The following ASIC2 variants were observed in gnomAD, a reference collection of about 807,000 sequenced individuals.
The protein encoded by ASIC2 is acid-sensing ion channel 2.
A neutral mutation model predicts 57.3 loss-of-function variants in ASIC2; 25 were observed. The ratio of observed to expected loss-of-function variants is 0.44; its 90% CI spans 0.32 to 0.61. ASIC2 has a LOEUF of 0.61. Among genes scored for constraint, ASIC2 ranks in the 20% least tolerant of loss-of-function variants. The probability of loss-of-function intolerance (pLI) is 0.06; values close to 1 mark genes in which losing one functional copy is unlikely to be tolerated. For missense variants in ASIC2, 641 were observed against 738.1 expected (o/e 0.87, Z 1.52); for synonymous variants, 319 against 307.5 (o/e 1.04, Z -0.39).
At chr17:33,872,417 C>T (rs1467603454) in intron 1 of ASIC2, among the ~76,000 whole-genome samples, 6 of 152,106 alleles carry the variant, frequency 3.9e-5, no homozygotes, top group Non-Finnish European at 7.4e-5. Flanking sequence ...TCATTCAACC[C>T]GTATGTGGTT....
intron 1 of ASIC2, among the ~76,000 whole-genome samples, chr17:34,025,114 C>T (rs1222479784): frequency 6.6e-6 from 1 of 152,156 alleles, no homozygotes; most frequent in Non-Finnish European, 1.5e-5. Flanking sequence ...ATCACCTTGG[C>T]AGAGGCTGAG....
intron 1 of ASIC2, among the ~76,000 whole-genome samples, chr17:34,099,708 AAG>A (rs1260452567): frequency 7.0e-6 from 1 of 143,180 alleles, no homozygotes; most frequent in Non-Finnish European, 1.5e-5. Context: ...GAAAGGAAAA[AAG>A]AAAGAAAGAA....
At chr17:33,091,206 G>C (rs2092156259) in intron 2 of ASIC2, among the ~76,000 whole-genome samples, 1 of 152,234 alleles carries the variant, frequency 6.6e-6, no homozygotes, top group Non-Finnish European at 1.5e-5. Context: ...GGGAGGACTG[G>C]ATGGAATGAG....
chr17:33,042,196 G>A (rs927722271), intron 3 of ASIC2, among the ~76,000 whole-genome samples: 10 of 152,126 alleles, frequency 6.6e-5, no homozygotes, highest in African/African-American at 2.4e-4. Flanking sequence ...AGGCATCAAA[G>A]GGGTCTCAGG....
chr17:34,106,269 G>C (rs183966066), intron 1 of ASIC2, among the ~76,000 whole-genome samples: 1 of 152,202 alleles, frequency 6.6e-6, no homozygotes. Flanking sequence ...TCAAGGTGTT[G>C]CCAATTTTTT....
chr17:33,470,845 G>GTGCTCAGCAAAGATACGGTTTGGTC (rs1597740454), intron 1 of ASIC2, among the ~76,000 whole-genome samples: 4 of 150,560 alleles, frequency 2.7e-5, no homozygotes, highest in Admixed American at 6.6e-5. Context: ...GCTTCCACCT[G>GTGCTCAGCAAAGATACGGTTTGGTC]ACTCTACTTC....
intron 1 of ASIC2, among the ~76,000 whole-genome samples, chr17:33,863,691 T>C (rs1289223533): frequency 6.6e-6 from 1 of 152,204 alleles, no homozygotes; most frequent in Non-Finnish European, 1.5e-5. Flanking sequence ...CTCAGTTCTC[T>C]GTCAGTCCAT....
chr17:33,555,633 A>G (rs1007236893), intron 1 of ASIC2, among the ~76,000 whole-genome samples: 5 of 152,154 alleles, frequency 3.3e-5, no homozygotes, highest in African/African-American at 1.2e-4. Flanking sequence ...GGTCCAAATG[A>G]CACTGTCATA....
chr17:33,657,510 C>T (rs1322589022), intron 1 of ASIC2, among the ~76,000 whole-genome samples: 1 of 152,050 alleles, frequency 6.6e-6, no homozygotes, highest in Non-Finnish European at 1.5e-5. Context: ...TATTGGGGGT[C>T]CTGAGCCAGC....
In ASIC2 at chr17:33,317,189, C is replaced by T. The variant is rs886652479; in HGVS notation, c.556-205122G>A. On this transcript the variant is annotated intron_variant, in intron 1 of 9. Coordinates refer to the ASIC2 transcript ENST00000359872. Reference sequence around the variant, plus strand: ...CTGTTTGGAGTTTCTTCTGCCTTTGCCCCTACATCTGGTGCCTGAGGCCTG... The same window carrying T: ...CTGTTTGGAGTTTCTTCTGCCTTTGTCCCTACATCTGGTGCCTGAGGCCTG... 3.3e-5 allele frequency among the ~76,000 whole-genome samples: 5 copies of T among 152,200 alleles called. 1 individual carries two copies. In the South Asian group the frequency reaches 6.2e-4, roughly 19 times the overall value.
intron 1 of ASIC2, among the ~76,000 whole-genome samples, chr17:33,999,054 A>G (rs1367143591): frequency 1.3e-5 from 2 of 152,046 alleles, no homozygotes; most frequent in Non-Finnish European, 2.9e-5. Context: ...TGTTGGATGT[A>G]TATATATTTA....
At chr17:33,152,114 G>A (rs752706233) in intron 1 of ASIC2, among the ~76,000 whole-genome samples, 2 of 152,190 alleles carry the variant, frequency 1.3e-5, no homozygotes, top group Non-Finnish European at 2.9e-5. Context: ...AAACAATCCT[G>A]TGGAGTAGAT....
chr17:33,299,533 C>G (rs1384111561), intron 1 of ASIC2, among the ~76,000 whole-genome samples: 1 of 119,548 alleles, frequency 8.4e-6, no homozygotes, highest in Non-Finnish European at 1.7e-5. Flanking sequence ...CTTTCTCCCT[C>G]ACTCTGTTTT....
chr17:33,338,483 G>T (rs1329453052), intron 1 of ASIC2, among the ~76,000 whole-genome samples: 1 of 152,150 alleles, frequency 6.6e-6, no homozygotes, highest in East Asian at 1.9e-4. Context: ...AAGAAATGAG[G>T]AGAAGGTAAT....
intron 1 of ASIC2, among the ~76,000 whole-genome samples, chr17:33,879,631 C>T (rs1328385057): frequency 1.3e-5 from 2 of 152,192 alleles, no homozygotes; most frequent in Non-Finnish European, 1.5e-5. Context: ...TACAAAGAGA[C>T]TTAGACTCCC....
chr17:33,177,262 T>C (rs1905797201), intron 1 of ASIC2, among the ~76,000 whole-genome samples: 1 of 152,188 alleles, frequency 6.6e-6, no homozygotes, highest in Admixed American at 6.5e-5. Flanking sequence ...AGAGTTTATG[T>C]TGCATGTTAG....
At chr17:33,656,602 A>C (rs1216260545) in intron 1 of ASIC2, among the ~76,000 whole-genome samples, 1 of 152,086 alleles carries the variant, frequency 6.6e-6, no homozygotes, top group East Asian at 1.9e-4. Context: ...CTCCATCAGG[A>C]ATATGCTCTC....
At chr17:33,563,861 C>G (rs934280619) in intron 1 of ASIC2, among the ~76,000 whole-genome samples, 2 of 152,214 alleles carry the variant, frequency 1.3e-5, no homozygotes, top group Non-Finnish European at 2.9e-5. Flanking sequence ...TGCCTTATTT[C>G]TTGGATGCTT....
intron 1 of ASIC2, among the ~76,000 whole-genome samples, chr17:33,456,931 C>T (rs1462995178): frequency 6.6e-6 from 1 of 152,192 alleles, no homozygotes. Flanking sequence ...GGCAAAGTGT[C>T]TAAATTGCTT....
Sources: gnomAD v4.1 joint callset for allele counts (sites outside exome capture counted in the v4.1 genomes callset) on GRCh38, gnomAD v4.1.1 for gene constraint, MANE v1.5 for transcripts, NCBI Gene and HGNC (gene_info 2026-07-23, HGNC 2026-07-21) for gene names.